AKAP12: variants seen among roughly 807,000 people sequenced by gnomAD.
The protein encoded by AKAP12 is A-kinase anchor protein 12.
In AKAP12, 32 loss-of-function variants were observed where a neutral mutation model predicts 79.9. That is an observed-to-expected ratio of 0.40 (90% confidence interval 0.30 to 0.54). AKAP12 has a LOEUF of 0.54. AKAP12 is among the 20% of genes least tolerant of loss of function. The pLI, the probability that AKAP12 is intolerant of heterozygous loss-of-function variation, is 0.48. For missense variants in AKAP12, 2,074 were observed against 2,177.0 expected, an observed-to-expected ratio of 0.95 and a Z score of 0.94; for synonymous variants, 808 against 857.0, an observed-to-expected ratio of 0.94 and a Z score of 1.00.
At chr6:151,259,245 C>T (rs1797361721) in intron 2 of AKAP12, among the ~76,000 whole-genome samples, 1 of 151,328 alleles carries the variant, frequency 6.6e-6, no homozygotes, top group South Asian at 2.1e-4. Flanking sequence ...GGGGTTTCAC[C>T]ATGTTGGCTG....
intron 2 of AKAP12, among the ~76,000 whole-genome samples, chr6:151,264,709 G>A (rs1258925160): frequency 6.6e-6 from 1 of 151,182 alleles, no homozygotes; most frequent in East Asian, 1.9e-4. Flanking sequence ...ATAGTATGAT[G>A]TAAAAATTCA....
At chr6:151,311,776 A>C (rs1460547768) in intron 3 of AKAP12, among the ~76,000 whole-genome samples, 1 of 152,210 alleles carries the variant, frequency 6.6e-6, no homozygotes, top group Non-Finnish European at 1.5e-5. Flanking sequence ...GGAAACAGAA[A>C]GGCCGAAAGA....
chr6:151,312,861 A>G lies in AKAP12; in HGVS notation c.319+6958A>G, dbSNP rs1475239197. On this transcript the variant is annotated intron_variant, in intron 3 of 4. Transcript: ENST00000402676. ...GGGATGGGGATTCGGAGGGTGGTCCATGGCAGGAGATGGGGTGAGGGGGGC... is the reference window on the plus strand; with the variant it reads ...GGGATGGGGATTCGGAGGGTGGTCCGTGGCAGGAGATGGGGTGAGGGGGGC... Among the ~76,000 whole-genome samples the G allele has an allele frequency of 4.7e-5, 7 of 149,396 alleles. No homozygotes were observed. The East Asian group carries it at 7.9e-4, about 17-fold the overall frequency.
At position 151,318,944 on chromosome 6, in the gene AKAP12, A is replaced by G. The variant is rs376094776; in HGVS notation, c.319+13041A>G. Among the ~76,000 whole-genome samples the G allele has an allele frequency of 3.2e-4, 48 of 152,298 alleles. No homozygotes were observed. In the South Asian group the frequency reaches 8.5e-3, roughly 27 times the overall value. On this transcript the variant is annotated intron_variant, in intron 3 of 4. Transcript: ENST00000402676. ...CAGAGTGAGACCCTGTCTCTAAGAA[A>G]AGAAAAGAAAAATTCATGTACCTCA...
intron 2 of AKAP12, among the ~76,000 whole-genome samples, chr6:151,298,130 T>G (rs535047604): frequency 1.3e-4 from 20 of 152,104 alleles, no homozygotes; most frequent in Non-Finnish European, 8.8e-5. Context: ...GTCTTCTGTT[T>G]CCCCCATGCT....
At chr6:151,304,574 A>ATTTTTGT (rs908665372) in intron 2 of AKAP12, among the ~76,000 whole-genome samples, 3 of 133,986 alleles carry the variant, frequency 2.2e-5, no homozygotes, top group African/African-American at 8.2e-5. Flanking sequence ...GGGTTTTTTC[A>ATTTTTGT]TTTTTGTTTT....
chr6:151,323,678 G>T, intron 3 of AKAP12: 1 of 983,844 alleles, frequency 1.0e-6, no homozygotes, highest in Non-Finnish European at 1.2e-6. Flanking sequence ...GGTATTAAAT[G>T]TGTAACTAGT....
At chr6:151,312,751 C>CACT (rs1475664961) in intron 3 of AKAP12, among the ~76,000 whole-genome samples, 1 of 146,116 alleles carries the variant, frequency 6.8e-6, no homozygotes, top group African/African-American at 2.6e-5. Context: ...GAGATCGTGC[C>CACT]ACTGCACTCC....
chr6:151,339,980 G>T (rs903549475), intron 3 of AKAP12, among the ~76,000 whole-genome samples: 2 of 151,508 alleles, frequency 1.3e-5, no homozygotes, highest in Admixed American at 1.3e-4. Context: ...AGGCTGGAGT[G>T]CAGTGGCGCG....
chr6:151,348,993 T>A lies in AKAP12; in HGVS notation c.602T>A (p.Val201Glu), dbSNP rs752586049. ...EKPDTVQLLTVKKDEGEGAAG... is the reference protein window; with the variant it reads ...EKPDTVQLLTEKKDEGEGAAG... The stretch of plus-strand genomic sequence containing the variant: ...CCTGACACTGTCCAGCTACTCACTG[T>A]GAAGAAAGATGAAGGGGAGGGAGCA... Residue 201 changes from valine to glutamate, a missense_variant, in exon 4 of 5, where the codon GTG becomes GAG. By Grantham distance (121) the Val-to-Glu change is moderately radical. This residue lies in a region of AKAP12 where 1,428 missense variants were observed against 1,451.0 expected (regional missense o/e 0.98). Transcript: ENST00000402676. 8.1e-6 allele frequency: 13 copies of A among 1,613,308 alleles called. No homozygotes were observed. In the African/African-American group the frequency reaches 1.7e-4, roughly 22 times the overall value.
chr6:151,351,978 A>G lies in AKAP12; in HGVS notation c.3587A>G (p.Glu1196Gly). Residue 1196 changes from glutamate (E) to glycine (G), a missense_variant, in exon 4 of 5, where the codon GAG becomes GGG. Around this residue, in one of 3 missense-constraint regions of AKAP12, gnomAD observed 32 missense variants for 60.4 expected, o/e 0.53. Coordinates refer to ENST00000402676, the MANE Select transcript of AKAP12 (RefSeq NM_005100.4). The surrounding 1 kb of genome is among the most constrained non-coding windows in gnomAD (Gnocchi z 4.4). ...AAAGACGAGATTGTGGAAATCCATG[A>G]GGAGAATGAGGTCGCATCTGGTACC... ...TQKDEIVEIHEENEVASGTQS... is the reference protein window; with the variant it reads ...TQKDEIVEIHGENEVASGTQS... The G allele has an allele frequency of 6.2e-7, 1 of 1,614,114 alleles. No individual in the cohort carries two copies. Among genetic ancestry groups the G allele is most frequent in the East Asian group, 2.2e-5 (1 of 44,860 alleles).
At chr6:151,343,756 C>T (rs1400090428) in intron 3 of AKAP12, among the ~76,000 whole-genome samples, 1 of 151,744 alleles carries the variant, frequency 6.6e-6, no homozygotes, top group Non-Finnish European at 1.5e-5. Flanking sequence ...TGCACTCCAG[C>T]GTGGGTGACA....
chr6:151,335,269 T>G (rs1777783396), intron 3 of AKAP12, among the ~76,000 whole-genome samples: 1 of 152,180 alleles, frequency 6.6e-6, no homozygotes, highest in Non-Finnish European at 1.5e-5. Context: ...TTATACTGAT[T>G]ATGTTTGGAA....
intron 3 of AKAP12, among the ~76,000 whole-genome samples, chr6:151,345,642 C>T (rs1383857080): frequency 1.3e-5 from 2 of 151,022 alleles, no homozygotes; most frequent in African/African-American, 4.9e-5. Flanking sequence ...ACTAAAAATA[C>T]AAACATCAGC....
At chr6:151,253,308 C>G (rs1369576714) in intron 2 of AKAP12, among the ~76,000 whole-genome samples, 1 of 152,162 alleles carries the variant, frequency 6.6e-6, no homozygotes, top group Non-Finnish European at 1.5e-5. Context: ...GGAAATTACT[C>G]AAAGAATATG....
In AKAP12 at chr6:151,351,739, C is replaced by T; in HGVS notation, c.3348C>T (p.Thr1116=). 6.2e-7 allele frequency: 1 copy of T among 1,614,120 alleles called. No individual in the cohort carries two copies. Among genetic ancestry groups the T allele is most frequent in the African/African-American group, 1.3e-5 (1 of 75,002 alleles). Residue 1116 remains threonine, a synonymous_variant, in exon 4 of 5, where the codon ACC becomes ACT. Transcript: ENST00000402676. This position sits in a 1 kb window ranked among gnomAD's most constrained non-coding sequence, Gnocchi z 4.4. ...FTQGKVVGQT[T]PESFEKAPQV... is the part of the protein sequence containing the mutation. The stretch of plus-strand genomic sequence containing the variant: ...AAGGGAAGGTGGTGGGGCAGACCAC[C>T]CCAGAAAGCTTTGAAAAAGCTCCTC...
chr6:151,252,732 G>GAAAA (rs1185564468), intron 2 of AKAP12, among the ~76,000 whole-genome samples: 22 of 95,786 alleles, frequency 2.3e-4, no homozygotes, highest in African/African-American at 4.0e-4. Flanking sequence ...CTGTCTCTGG[G>GAAAA]AAAAAAAAAA....
intron 2 of AKAP12, among the ~76,000 whole-genome samples, chr6:151,291,895 C>T (rs1250078367): frequency 6.6e-6 from 1 of 152,220 alleles, no homozygotes; most frequent in Non-Finnish European, 1.5e-5. Flanking sequence ...TCTTTCCCTT[C>T]CTTCCATGTG....
chr6:151,329,175 C>T lies in AKAP12; in HGVS notation c.320-19536C>T, dbSNP rs188336554. Among the ~76,000 whole-genome samples the T allele has an allele frequency of 2.8e-3, 427 of 152,050 alleles. 3 individuals carry two copies. The highest frequency in any genetic ancestry group is 0.01 in the African/African-American group (416 of 41,434). ...TGTCACCCAGGCTGGAGTGCAGTGG[C>T]GCGATCTCAGCTCACTGCAACCTCC... On this transcript the variant is annotated intron_variant, in intron 3 of 4. Transcript: ENST00000402676.
Sources: allele counts gnomAD v4.1 joint callset (sites outside exome capture counted in the v4.1 genomes callset), GRCh38; gene constraint gnomAD v4.1.1; regional missense constraint gnomAD v4.1.1; non-coding constraint Gnocchi (gnomAD v3.1); transcripts MANE v1.5; gene names NCBI Gene and HGNC (gene_info 2026-07-23, HGNC 2026-07-21).